The following RTN2 variants were observed in gnomAD, a reference collection of about 807,000 sequenced individuals.
The protein encoded by RTN2 is reticulon 2, also known as reticulon-2.
RTN2 carries 36 observed loss-of-function variants against 63.7 expected under a neutral mutation model. The ratio of observed to expected loss-of-function variants is 0.56; its 90% confidence interval spans 0.43 to 0.75. The LOEUF (loss-of-function observed/expected upper bound fraction) is 0.75. RTN2 is among the 30% of genes least tolerant of loss of function. RTN2 has a pLI of 0.00. For synonymous variants in RTN2, 312 were observed against 313.0 expected (o/e 1.00, Z 0.03); for missense variants, 673 against 705.1 (o/e 0.95, Z 0.52).
At chr19:45,493,439 G>T in intron 4 of RTN2, 61 bp from the exon 5 acceptor site, 1 of 1,232,516 alleles carries the variant, frequency 8.1e-7, no homozygotes, top group South Asian at 1.3e-5. Flanking sequence ...CAATAGATGT[G>T]GTCAGGAAAA....
chr19:45,489,133 G>T, intron 6 of RTN2, 147 bp from the exon 7 acceptor site: 1 of 968,688 alleles, frequency 1.0e-6, no homozygotes, highest in Admixed American at 2.3e-5. Flanking sequence ...TATGTAGAGG[G>T]CTGGGGTCAG....
intron 5 of RTN2, among the ~76,000 whole-genome samples, chr19:45,490,527 TTGTGTGTCTGTGTG>T (rs748483687): frequency 8.7e-6 from 1 of 114,498 alleles, no homozygotes. Flanking sequence ...GGTGGACTGG[TTGTGTGTCTGTGTG>T]TGTGTGTGTG....
At chr19:45,489,139 G>A in intron 6 of RTN2, 153 bp from the exon 7 acceptor site, 1 of 882,246 alleles carries the variant, frequency 1.1e-6, no homozygotes, top group Admixed American at 2.3e-5. Context: ...GAGGGCTGGG[G>A]TCAGGGTCAG....
At chr19:45,489,008 G>C (rs1336749382) in intron 6 of RTN2, 22 bp from the exon 7 acceptor site, 2 of 1,607,494 alleles carry the variant, frequency 1.2e-6, no homozygotes, top group Admixed American at 1.7e-5. Context: ...AAGGAGTGTG[G>C]GGCGACTCAG....
chr19:45,492,731 C>A (rs1968185983), intron 5 of RTN2, among the ~76,000 whole-genome samples: 1 of 152,212 alleles, frequency 6.6e-6, no homozygotes, highest in South Asian at 2.1e-4. Context: ...TCATTTACCT[C>A]CAAATAGGGC....
At chr19:45,486,885 C>A (rs1253795345) in intron 9 of RTN2, among the ~76,000 whole-genome samples, 1 of 151,194 alleles carries the variant, frequency 6.6e-6, no homozygotes, top group Admixed American at 6.6e-5. Context: ...CAGGTGGACA[C>A]CACCAAGCCT....
intron 10 of RTN2, 98 bp from the exon 11 acceptor site, chr19:45,485,887 C>T: frequency 8.2e-7 from 1 of 1,226,516 alleles, no homozygotes; most frequent in Non-Finnish European, 1.2e-6. Context: ...TGACCAAGAG[C>T]CCGAAGCCAG....
Position 45,489,353 on chromosome 19 carries a change from G to C in RTN2, c.1234C>G (p.Pro412Ala). 6.4e-7 allele frequency: 1 copy of C among 1,563,306 alleles called. No individual in the cohort carries two copies. The highest frequency in any genetic ancestry group is 8.7e-7 in the Non-Finnish European group (1 of 1,154,226). ...QAVHRGDGANPFQAYLDVDLT... is the reference protein window; with the variant it reads ...QAVHRGDGANAFQAYLDVDLT... The stretch of plus-strand genomic sequence containing the variant: ...GGGGCCGGGGGTTCTCACTGGAAAG[G>C]GTTGGCTCCATCCCCCCGGTGCACG... Residue 412 changes from proline (P) to alanine (A), a missense_variant, in exon 6 of 11, where the codon CCT becomes GCT. By Grantham distance (27) the Pro-to-Ala change is conservative. Transcript: ENST00000245923.
Position 45,486,108 on chromosome 19 carries a change from C to G in RTN2, c.1503G>C (p.Gln501His). The G allele has an allele frequency of 6.2e-7, 1 of 1,614,048 alleles. No homozygotes were observed. Among genetic ancestry groups the G allele is most frequent in the Admixed American group, 1.7e-5 (1 of 60,000 alleles). ...IPLLYRQHQAQIDQYVGLVTN... is the reference protein window; with the variant it reads ...IPLLYRQHQAHIDQYVGLVTN... ...TCACCAACCCCACATATTGGTCGAT[C>G]TGAGCCTGGGGAGACCAAAGAAAGG... Residue 501 changes from glutamine to histidine, a missense_variant, in exon 10 of 11, where the codon CAG becomes CAC. By Grantham distance (24) the Gln-to-His change is conservative. Coordinates refer to ENST00000245923, the MANE Select transcript of RTN2 (RefSeq NM_005619.5).
rs1968205840 is a variant in RTN2, at chr19:45,493,497, T to A, written c.815-119A>T. The A allele has an allele frequency of 1.3e-5, 10 of 761,800 alleles. No homozygotes were observed. In the East Asian group the frequency reaches 2.4e-4, roughly 19 times the overall value. The allele number at this position is 761,800 out of a possible 1,614,324, so 47.2% of individuals were successfully genotyped here. A position where few individuals can be genotyped will look rare whatever the true frequency, so the allele number is the denominator to read the frequency against. On this transcript the variant is annotated intron_variant, in intron 4 of 10. Coordinates refer to ENST00000245923, the MANE Select transcript of RTN2 (RefSeq NM_005619.5). Reference sequence around the variant, plus strand: ...CAAATAGAGATCGAGTCTCCCTATGTTGCCCAGGCTGGTCTTGCACTCTTG... The same window carrying A: ...CAAATAGAGATCGAGTCTCCCTATGATGCCCAGGCTGGTCTTGCACTCTTG...
Position 45,489,308 on chromosome 19 carries a change from C to G in RTN2, c.1241+38G>C, listed in dbSNP as rs1239617403. ...GAGGTCGTGGGTCATGCTTTAGGGTCAGGACAGGGGCTCAGGTCAGGGGCC... is the reference window on the plus strand; with the variant it reads ...GAGGTCGTGGGTCATGCTTTAGGGTGAGGACAGGGGCTCAGGTCAGGGGCC... On this transcript the variant is annotated intron_variant, in intron 6 of 10. Transcript: ENST00000245923. 5.9e-6 allele frequency: 9 copies of G among 1,535,348 alleles called. No homozygotes were observed. The Admixed American group carries it at 1.8e-4, about 30-fold the overall frequency.
Position 45,494,287 on chromosome 19 carries a change from G to A in RTN2, c.693C>T (p.Pro231=). The A allele has an allele frequency of 6.2e-7, 1 of 1,613,948 alleles. No individual in the cohort carries two copies. ...CTTCCTCTTCCAGCAATGGCTCTTC[G>A]GGCCCAGAGTTCGAATCTCGCGATC... ...PSRSRDSNSG[P]EEPLLEEEEK... Residue 231 remains proline, a synonymous_variant, in exon 4 of 11, where the codon CCC becomes CCT. Coordinates refer to ENST00000245923, the MANE Select transcript of RTN2 (RefSeq NM_005619.5). This position sits in a 1 kb window ranked among gnomAD's most constrained non-coding sequence, Gnocchi z 5.3.
In RTN2 at chr19:45,494,730, G is replaced by A. The variant is rs753687079; in HGVS notation, c.355C>T (p.Pro119Ser). ...GGATCACCCCGTCGTCCAGGCTCCG[G>A]GGATTGGCTCAGGCTGGGGATGCTC... ...LESIPSLSQS[P>S]EPGRRGDPDT... The change falls in exon 3 of 11, where the codon CCG (proline) becomes TCG (serine). Residue 119 changes from proline to serine, a missense_variant. Physicochemically the swap from Pro to Ser is moderately conservative, Grantham distance 74. Coordinates refer to ENST00000245923, the MANE Select transcript of RTN2 (RefSeq NM_005619.5). The surrounding 1 kb of genome is among the most constrained non-coding windows in gnomAD (Gnocchi z 5.3). The A allele has an allele frequency of 6.8e-6, 11 of 1,612,166 alleles. No individual in the cohort carries two copies. In the African/African-American group the frequency reaches 1.5e-4, roughly 21 times the overall value.
At chr19:45,493,439 G>A in intron 4 of RTN2, 61 bp from the exon 5 acceptor site, 1 of 1,232,518 alleles carries the variant, frequency 8.1e-7, no homozygotes, top group Non-Finnish European at 1.2e-6. Flanking sequence ...CAATAGATGT[G>A]GTCAGGAAAA....
chr19:45,496,820 C>T lies in RTN2; in HGVS notation c.6G>A (p.Gly2=), dbSNP rs535643972. The T allele has an allele frequency of 4.4e-5, 67 of 1,511,768 alleles. No homozygotes were observed. In the African/African-American group the frequency reaches 9.2e-4, roughly 21 times the overall value. 93.6% of individuals were successfully genotyped at this position (1,511,768 alleles called of 1,614,324 possible). A position where few individuals can be genotyped will look rare whatever the true frequency, so the allele number is the denominator to read the frequency against. ...AGTGGGCGAAGACCGGCAGGACCTG[C>T]CCCATGGCCCCCCTCGGGCCTGCAT... is the stretch of plus-strand genomic sequence containing the variant. M[G]QVLPVFAHCK... is the part of the protein sequence containing the mutation. Residue 2 remains glycine, a synonymous_variant, in exon 1 of 11, where the codon GGG becomes GGA. Coordinates refer to ENST00000245923, the MANE Select transcript of RTN2 (RefSeq NM_005619.5).
Position 45,494,593 on chromosome 19 carries a change from G to A in RTN2, c.492C>T (p.Ser164=). ...TGSGEDSSTS[S]STPLEDEEPQ... The stretch of plus-strand genomic sequence containing the variant: ...GTTCTTCGTCTTCCAGCGGGGTGGA[G>A]CTGCTGGTGGAAGAGTCCTCCCCGG... The change falls in exon 3 of 11, where the codon AGC becomes AGT. Residue 164 remains serine, a synonymous_variant. Coordinates refer to ENST00000245923, the MANE Select transcript of RTN2 (RefSeq NM_005619.5). The surrounding 1 kb of genome is among the most constrained non-coding windows in gnomAD (Gnocchi z 5.3). 3.1e-6 allele frequency: 5 copies of A among 1,614,064 alleles called. No individual in the cohort carries two copies. The highest frequency in any genetic ancestry group is 4.2e-6 in the Non-Finnish European group (5 of 1,180,024).
intron 1 of RTN2, chr19:45,496,542 G>C (rs1968273530): frequency 5.6e-6 from 2 of 356,738 alleles, no homozygotes; most frequent in Non-Finnish European, 1.0e-5. Context: ...CGGGCGGTAC[G>C]TCCCAGAGCG....
chr19:45,488,788 C>A, intron 7 of RTN2, 60 bp downstream of exon 7: 1 of 1,593,274 alleles, frequency 6.3e-7, no homozygotes, highest in Non-Finnish European at 8.5e-7. Flanking sequence ...CGCCCTCCCA[C>A]CCCCTAGCCA....
chr19:45,494,450 C>G lies in RTN2; in HGVS notation c.560-30G>C. On this transcript the variant is annotated intron_variant, in intron 3 of 10. Transcript: ENST00000245923. This position sits in a 1 kb window ranked among gnomAD's most constrained non-coding sequence, Gnocchi z 5.3. ...TACGGTAGAGAGAGGAGGCCGTGAG[C>G]TTTCTTCTTGGAGGTGCCCCAAGGA... 1 of 1,604,234 alleles carries G rather than the reference C, an allele frequency of 6.2e-7. No homozygotes were observed. The highest frequency in any genetic ancestry group is 8.5e-7 in the Non-Finnish European group (1 of 1,173,298).
Sources: gnomAD v4.1 joint callset for allele counts (sites outside exome capture counted in the v4.1 genomes callset) on GRCh38, gnomAD v4.1.1 for gene constraint, Gnocchi (gnomAD v3.1) non-coding constraint, MANE v1.5 for transcripts, NCBI Gene and HGNC (gene_info 2026-07-23, HGNC 2026-07-21) for gene names.